Variants in GPC6 observed in about 807,000 individuals in gnomAD.
GPC6 encodes the protein glypican 6.
A neutral mutation model predicts 55.2 loss-of-function variants in GPC6; 14 were observed. The observed-to-expected ratio is 0.25, with a 90% CI of 0.17 to 0.40. The LOEUF is 0.40. Ranked by LOEUF, GPC6 falls within the 10% of genes least tolerant of loss-of-function variation. The pLI is 1.00. For synonymous variants in GPC6, 278 were observed against 259.6 expected (o/e 1.07, Z -0.68); for missense variants, 641 against 708.5 (o/e 0.90, Z 1.08).
chr13:93,417,593 G>T (rs1210512544), intron 1 of GPC6, among the ~76,000 whole-genome samples: 1 of 152,026 alleles, frequency 6.6e-6, no homozygotes, highest in African/African-American at 2.4e-5. Context: ...GGAGAGGATT[G>T]GGCAGGATCT....
At chr13:93,622,431 G>A (rs575544430) in intron 2 of GPC6, among the ~76,000 whole-genome samples, 4 of 151,970 alleles carry the variant, frequency 2.6e-5, no homozygotes, top group East Asian at 1.9e-4. Context: ...AAAACACCAC[G>A]TGTGTAAGTG....
At chr13:93,848,828 C>T (rs1888293074) in intron 3 of GPC6, among the ~76,000 whole-genome samples, 3 of 152,070 alleles carry the variant, frequency 2.0e-5, no homozygotes, top group African/African-American at 7.2e-5. Context: ...ATCAGAGTTT[C>T]TTTGCCACTT....
chr13:94,056,006 C>T (rs1322206837), intron 4 of GPC6, among the ~76,000 whole-genome samples: 4 of 152,130 alleles, frequency 2.6e-5, no homozygotes, highest in African/African-American at 7.2e-5. Context: ...CTGACTCAGC[C>T]AAGGCCCAGC....
At chr13:93,974,488 A>T (rs1232360640) in intron 3 of GPC6, among the ~76,000 whole-genome samples, 1 of 152,292 alleles carries the variant, frequency 6.6e-6, no homozygotes, top group South Asian at 2.1e-4. Context: ...TCTAATGTCA[A>T]TGATGATCTA....
intron 1 of GPC6, among the ~76,000 whole-genome samples, chr13:93,420,299 C>T (rs1459948671): frequency 6.6e-6 from 1 of 152,084 alleles, no homozygotes; most frequent in African/African-American, 2.4e-5. Flanking sequence ...TCTCTGATCC[C>T]AGTTTAATGA....
intron 5 of GPC6, among the ~76,000 whole-genome samples, chr13:94,288,792 A>AATAT (rs370248349): frequency 2.0e-5 from 2 of 101,270 alleles, no homozygotes; most frequent in East Asian, 3.0e-4. Context: ...ATATATAATA[A>AATAT]ATATATATAT....
intron 6 of GPC6, among the ~76,000 whole-genome samples, chr13:94,371,970 A>G (rs1329042396): frequency 6.6e-6 from 1 of 152,112 alleles, no homozygotes; most frequent in Admixed American, 6.6e-5. Flanking sequence ...TCAACATTCA[A>G]AATTATCAAA....
At chr13:93,264,885 T>C (rs1020648480) in intron 1 of GPC6, among the ~76,000 whole-genome samples, 5 of 152,168 alleles carry the variant, frequency 3.3e-5, no homozygotes, top group Non-Finnish European at 7.3e-5. Flanking sequence ...GTGGAACCCA[T>C]GGATAGAGGG....
chr13:93,776,590 T>G (rs1178736494), intron 2 of GPC6, among the ~76,000 whole-genome samples: 1 of 151,870 alleles, frequency 6.6e-6, no homozygotes, highest in African/African-American at 2.4e-5. Context: ...TCAAGGTATG[T>G]TCAGAAAAAA....
intron 6 of GPC6, among the ~76,000 whole-genome samples, chr13:94,314,181 A>G (rs1476054779): frequency 1.3e-5 from 2 of 152,212 alleles, no homozygotes; most frequent in East Asian, 3.8e-4. Context: ...AGTACATAGT[A>G]TAGAGGCTCA....
At chr13:94,020,564 C>T (rs1882657811) in intron 3 of GPC6, among the ~76,000 whole-genome samples, 1 of 152,108 alleles carries the variant, frequency 6.6e-6, no homozygotes. Flanking sequence ...CTGTGTCTGC[C>T]ATTTGTGTGA....
At chr13:94,200,919 T>TA (rs1426537698) in intron 4 of GPC6, among the ~76,000 whole-genome samples, 7 of 152,160 alleles carry the variant, frequency 4.6e-5, no homozygotes, top group Non-Finnish European at 1.0e-4. Context: ...AGGGCTTCAA[T>TA]AAAGCCTGGG....
chr13:93,981,136 C>A (rs1880786640), intron 3 of GPC6, among the ~76,000 whole-genome samples: 1 of 152,108 alleles, frequency 6.6e-6, no homozygotes, highest in African/African-American at 2.4e-5. Context: ...TGAAAAGACT[C>A]TTGTCTCCTA....
At chr13:93,922,025 A>G (rs1334200259) in intron 3 of GPC6, among the ~76,000 whole-genome samples, 4 of 152,184 alleles carry the variant, frequency 2.6e-5, no homozygotes, top group African/African-American at 7.2e-5. Context: ...AATGAATACA[A>G]TTGGACTAAG....
intron 1 of GPC6, among the ~76,000 whole-genome samples, chr13:93,326,427 A>G (rs974796300): frequency 5.9e-5 from 9 of 151,402 alleles, no homozygotes; most frequent in Non-Finnish European, 8.8e-5. Flanking sequence ...GAATATCTAC[A>G]TTCTCTCTCT....
intron 3 of GPC6, among the ~76,000 whole-genome samples, chr13:93,905,312 T>C (rs918939975): frequency 5.3e-5 from 8 of 152,136 alleles, no homozygotes; most frequent in African/African-American, 1.9e-4. Context: ...AACCGCTCTG[T>C]GAATCCTCAC....
intron 3 of GPC6, among the ~76,000 whole-genome samples, chr13:93,847,957 A>G (rs1423755945): frequency 1.3e-5 from 2 of 152,166 alleles, no homozygotes; most frequent in Non-Finnish European, 2.9e-5. Flanking sequence ...AATTTAGAAT[A>G]TGTACATGGA....
chr13:93,582,460 A>G (rs112591515), intron 2 of GPC6, among the ~76,000 whole-genome samples: 7,290 of 152,270 alleles, frequency 0.048, 536 homozygotes, highest in African/African-American at 0.16. Context: ...AAAGGCTACA[A>G]TGTAGATTAT....
At chr13:93,425,346 G>C (rs1249376001) in intron 1 of GPC6, among the ~76,000 whole-genome samples, 2 of 152,068 alleles carry the variant, frequency 1.3e-5, no homozygotes, top group East Asian at 1.9e-4. Flanking sequence ...TGAAATCTAT[G>C]TAAATACTTC....
Sources: allele counts gnomAD v4.1 joint callset (sites outside exome capture counted in the v4.1 genomes callset), GRCh38; gene constraint gnomAD v4.1.1; transcripts MANE v1.5; gene names NCBI Gene and HGNC (gene_info 2026-07-23, HGNC 2026-07-21).